TPD52L1: variants seen among roughly 807,000 people sequenced by gnomAD.
TPD52L1 encodes TPD52 like 1, also known as tumor protein D53.
TPD52L1 carries 18 observed loss-of-function variants against 28.7 expected under a neutral mutation model. The ratio of observed to expected loss-of-function variants is 0.63; its 90% CI spans 0.43 to 0.93. TPD52L1 has a LOEUF of 0.93. TPD52L1 is among the 40% of genes least tolerant of loss of function. The pLI is 0.00. For missense variants in TPD52L1, 203 were observed against 254.8 expected (o/e 0.80, Z 1.39); for synonymous variants, 75 against 88.8 (o/e 0.84, Z 0.88).
chr6:125,252,733 G>A (rs1797352407), intron 4 of TPD52L1: 1 of 152,120 alleles, frequency 6.6e-6, no homozygotes, highest in Non-Finnish European at 1.5e-5. Flanking sequence ...TAATTTCTGA[G>A]GAAATATCTG....
chr6:125,251,846 T>G (rs1011301721), intron 4 of TPD52L1, among the ~76,000 whole-genome samples: 1 of 152,240 alleles, frequency 6.6e-6, no homozygotes, highest in African/African-American at 2.4e-5. Context: ...CTTGAGTTGG[T>G]AAAATGATTT....
chr6:125,184,681 T>C (rs1792468078), intron 1 of TPD52L1, among the ~76,000 whole-genome samples: 1 of 152,184 alleles, frequency 6.6e-6, no homozygotes, highest in Non-Finnish European at 1.5e-5. Flanking sequence ...ATACAATTAT[T>C]TGTGAAGGGA....
At position 125,258,454 on chromosome 6, in the gene TPD52L1, G is replaced by C. The variant is rs3778455; in HGVS notation, c.486+1296G>C. On this transcript the variant is annotated intron_variant, in intron 6 of 6. Coordinates refer to ENST00000534000, the MANE Select transcript of TPD52L1 (RefSeq NM_003287.4). ...TCTTGCTAGAAGATCAAAATGAAAG[G>C]CTCAAAAATCCCAGGATTCAGTTTC... Among the ~76,000 whole-genome samples, 145 of 152,132 alleles carry C rather than the reference G, an allele frequency of 9.5e-4. 1 individual carries two copies. In the East Asian group the frequency reaches 0.015, roughly 15 times the overall value.
chr6:125,240,029 C>T lies in TPD52L1; in HGVS notation c.285-8253C>T, dbSNP rs1043482336. ...AAAGTGAGAGATGAGGATCCAGTTTCGTTCTTCTACATGTGACTTTCCAAT... is the reference window on the plus strand; with the variant it reads ...AAAGTGAGAGATGAGGATCCAGTTTTGTTCTTCTACATGTGACTTTCCAAT... On this transcript the variant is annotated intron_variant, in intron 3 of 6. Transcript: ENST00000534000. 8.3e-4 allele frequency among the ~76,000 whole-genome samples: 126 copies of T among 152,102 alleles called. 2 individuals are homozygous for T. Among genetic ancestry groups the T allele is most frequent in the Admixed American group, 8.1e-3 (123 of 15,268 alleles).
At chr6:125,233,959 C>A (rs1796106186) in intron 3 of TPD52L1, among the ~76,000 whole-genome samples, 1 of 152,160 alleles carries the variant, frequency 6.6e-6, no homozygotes, top group African/African-American at 2.4e-5. Context: ...GCGTGCTGGT[C>A]AAACAGCTAA....
At chr6:125,166,054 T>C (rs1392055390) in intron 1 of TPD52L1, among the ~76,000 whole-genome samples, 1 of 152,184 alleles carries the variant, frequency 6.6e-6, no homozygotes, top group African/African-American at 2.4e-5. Context: ...AGAAAGCTTT[T>C]TATTGCCTCA....
intron 1 of TPD52L1, among the ~76,000 whole-genome samples, chr6:125,215,922 T>A (rs1431402705): frequency 2.6e-5 from 4 of 152,164 alleles, no homozygotes; most frequent in Non-Finnish European, 4.4e-5. Flanking sequence ...GACTGAGAAT[T>A]TGGGTTCCAG....
chr6:125,244,980 A>G (rs903048279), intron 3 of TPD52L1, among the ~76,000 whole-genome samples: 1 of 152,064 alleles, frequency 6.6e-6, no homozygotes, highest in East Asian at 1.9e-4. Context: ...GACTGCAGTG[A>G]TTGTTATTTC....
chr6:125,164,438 C>A (rs908515489), intron 1 of TPD52L1, among the ~76,000 whole-genome samples: 1 of 152,110 alleles, frequency 6.6e-6, no homozygotes, highest in African/African-American at 2.4e-5. Context: ...AATTTTATCA[C>A]CAGCTCAAAC....
intron 2 of TPD52L1, among the ~76,000 whole-genome samples, chr6:125,226,244 A>T (rs1795601031): frequency 6.6e-6 from 1 of 152,162 alleles, no homozygotes; most frequent in Non-Finnish European, 1.5e-5. Context: ...AATACACCCA[A>T]CTTAAATAGC....
At chr6:125,180,569 T>C (rs201528555) in intron 1 of TPD52L1, among the ~76,000 whole-genome samples, 10,911 of 150,210 alleles carry the variant, frequency 0.073, 414 homozygotes, top group Middle Eastern at 0.1. Context: ...ATATTATATA[T>C]ACACACACAC....
chr6:125,187,565 A>G (rs1792725155), intron 1 of TPD52L1, among the ~76,000 whole-genome samples: 2 of 152,206 alleles, frequency 1.3e-5, no homozygotes, highest in African/African-American at 4.8e-5. Flanking sequence ...TTTGCTTACC[A>G]TGAAATATTC....
At chr6:125,170,033 GT>G (rs954479499) in intron 1 of TPD52L1, among the ~76,000 whole-genome samples, 1 of 151,968 alleles carries the variant, frequency 6.6e-6, no homozygotes, top group Non-Finnish European at 1.5e-5. Context: ...ACTTTCTTTG[GT>G]TTTTTACCTA....
intron 1 of TPD52L1, among the ~76,000 whole-genome samples, chr6:125,155,022 C>G (rs1790027053): frequency 6.6e-6 from 1 of 152,188 alleles, no homozygotes; most frequent in African/African-American, 2.4e-5. Context: ...ATTGCGTGGG[C>G]CTGGAGTCGC....
intron 1 of TPD52L1, among the ~76,000 whole-genome samples, chr6:125,160,127 AT>A (rs1790423484): frequency 6.6e-6 from 1 of 152,064 alleles, no homozygotes; most frequent in African/African-American, 2.4e-5. Context: ...TTCTTTACAA[AT>A]TTCCTAGTCT....
intron 1 of TPD52L1, among the ~76,000 whole-genome samples, chr6:125,186,466 C>T (rs568779917): frequency 6.6e-5 from 10 of 152,104 alleles, no homozygotes; most frequent in Admixed American, 3.9e-4. Context: ...ATATAAACTA[C>T]CAAAATTGAG....
At chr6:125,248,463 A>G in intron 4 of TPD52L1, 80 bp downstream of exon 4, 1 of 935,422 alleles carries the variant, frequency 1.1e-6, no homozygotes, top group African/African-American at 1.6e-5. Context: ...TTAGCTGCTC[A>G]TCTCAACATA....
At chr6:125,211,213 AAATC>A (rs759371649) in intron 1 of TPD52L1, among the ~76,000 whole-genome samples, 1 of 152,182 alleles carries the variant, frequency 6.6e-6, no homozygotes, top group Non-Finnish European at 1.5e-5. Flanking sequence ...TGTTTGAAAA[AAATC>A]AAGTTACAAA....
At chr6:125,183,052 A>G (rs188189820) in intron 1 of TPD52L1, among the ~76,000 whole-genome samples, 117 of 152,332 alleles carry the variant, frequency 7.7e-4, no homozygotes, top group Non-Finnish European at 1.4e-3. Context: ...ATAAGTAGGA[A>G]TGAAAAGAAT....
Sources: gnomAD v4.1 joint callset for allele counts (sites outside exome capture counted in the v4.1 genomes callset) on GRCh38, gnomAD v4.1.1 for gene constraint, MANE v1.5 for transcripts, NCBI Gene and HGNC (gene_info 2026-07-23, HGNC 2026-07-21) for gene names.